The following CELSR1 variants were observed in gnomAD, a reference collection of about 807,000 sequenced individuals.
The protein encoded by CELSR1 is adhesion G protein-coupled receptor C1.
In CELSR1, 110 loss-of-function variants were observed where a neutral mutation model predicts 249.1. That is an observed-to-expected ratio of 0.44 (90% CI 0.38 to 0.52). CELSR1 has a LOEUF of 0.52. Among genes scored for constraint, CELSR1 ranks in the 20% least tolerant of loss-of-function variants. The probability of loss-of-function intolerance (pLI) is 0.00; values close to 1 mark genes in which losing one functional copy is unlikely to be tolerated. For synonymous variants in CELSR1, 2,113 were observed against 1,900.0 expected (o/e 1.11, Z -2.92); for missense variants, 4,109 against 4,296.4 (o/e 0.96, Z 1.22).
rs1397168729 is a variant in CELSR1, at chr22:46,481,627, C to T, written c.3545-17282G>A. 5.8e-6 allele frequency: 4 copies of T among 689,460 alleles called. No individual in the cohort carries two copies. The East Asian group carries it at 7.6e-5, about 13-fold the overall frequency. The allele number at this position is 689,460 out of a possible 1,614,324, so 42.7% of individuals were successfully genotyped here. A position where few individuals can be genotyped will look rare whatever the true frequency, so the allele number is the denominator to read the frequency against. On this transcript the variant is annotated intron_variant, in intron 1 of 34. Transcript: ENST00000674500. ...CGTGGAGGCCTGACTGTCCTCACAA[C>T]AGCTGGTGCTGCACCAGAACATGAG...
At chr22:46,364,386 G>A (rs2078742603) in intron 33 of CELSR1, 126 bp downstream of exon 33, 2 of 1,494,234 alleles carry the variant, frequency 1.3e-6, no homozygotes, top group East Asian at 4.6e-5. Context: ...AGGCCAGGAG[G>A]CCACGTCTGT....
rs1417805440 is a variant in CELSR1 at position 46,413,529 on chromosome 22, G to A, written c.4612-1770C>T. ...AACACACGTCCTCTCTGTGTTACAG[G>A]GAATTGAGGATGATATCAACAGAGA... On this transcript the variant is annotated intron_variant, in intron 5 of 34. Coordinates refer to ENST00000674500, the MANE Select transcript of CELSR1 (RefSeq NM_001378328.1). This position sits in a 1 kb window ranked among gnomAD's most constrained non-coding sequence, Gnocchi z 4.7. Among the ~76,000 whole-genome samples, 1 of 152,174 alleles carries A rather than the reference G, an allele frequency of 6.6e-6. No homozygotes were observed. Among genetic ancestry groups the A allele is most frequent in the Non-Finnish European group, 1.5e-5 (1 of 68,042 alleles).
chr22:46,438,315 A>G (rs945452996), intron 3 of CELSR1, among the ~76,000 whole-genome samples: 14 of 152,112 alleles, frequency 9.2e-5, no homozygotes, highest in South Asian at 2.1e-4. Flanking sequence ...AAAGAGGAGA[A>G]GGGGCTATGA....
At chr22:46,467,844 T>C (rs572140593) in intron 1 of CELSR1, among the ~76,000 whole-genome samples, 2 of 151,768 alleles carry the variant, frequency 1.3e-5, no homozygotes, top group East Asian at 1.9e-4. Context: ...AAGAAAACTC[T>C]GGAAGGATGC....
In CELSR1 at chr22:46,524,313, C is replaced by T. The variant is rs564900498; in HGVS notation, c.3544+9314G>A. On this transcript the variant is annotated intron_variant, in intron 1 of 34. Transcript: ENST00000674500. ...CGCGCCCACTTCTCAATCACCCCTG[C>T]TCTGGGCCAGCCTCCTTGCTACATG... 7.5e-4 allele frequency among the ~76,000 whole-genome samples: 115 copies of T among 152,352 alleles called. No individual in the cohort carries two copies. The Middle Eastern group carries it at 0.014, about 18-fold the overall frequency.
intron 17 of CELSR1, 23 bp from the exon 18 acceptor site, chr22:46,389,522 A>C (rs1452556246): frequency 1.9e-6 from 3 of 1,611,862 alleles, no homozygotes; most frequent in Non-Finnish European, 2.5e-6. Context: ...GGCAGTCGTG[A>C]TGTGTGCAAA....
rs998726431 is a variant in CELSR1 at position 46,444,089 on chromosome 22, G to A, written c.4184-4678C>T. Among the ~76,000 whole-genome samples the A allele has an allele frequency of 4.6e-5, 7 of 152,304 alleles. No individual in the cohort carries two copies. The East Asian group carries it at 1.3e-3, about 29-fold the overall frequency. ...GTAGTAAGAACCCAGGCTGGGCCCG[G>A]GGCTCAGACTCTCCCAGAGGAAAGT... On this transcript the variant is annotated intron_variant, in intron 2 of 34. Coordinates refer to ENST00000674500, the MANE Select transcript of CELSR1 (RefSeq NM_001378328.1).
At chr22:46,369,012 G>A (rs559511004) in intron 27 of CELSR1, 167 bp downstream of exon 27, 71 of 625,532 alleles carry the variant, frequency 1.1e-4, no homozygotes, top group South Asian at 1.1e-3. Context: ...GCCCCTGCAG[G>A]TGCAACGTGG....
intron 9 of CELSR1, among the ~76,000 whole-genome samples, chr22:46,403,971 C>CAAAAAAA (rs756055741): frequency 3.7e-4 from 18 of 48,302 alleles, no homozygotes; most frequent in Non-Finnish European, 4.7e-4. Context: ...AACTCCGTCT[C>CAAAAAAA]AAAAAAAAAA....
At chr22:46,508,088 A>G (rs557508457) in intron 1 of CELSR1, among the ~76,000 whole-genome samples, 1 of 152,192 alleles carries the variant, frequency 6.6e-6, no homozygotes, top group East Asian at 1.9e-4. Flanking sequence ...GGCCTTCCAT[A>G]AACCGGCACA....
At position 46,436,316 on chromosome 22, in the gene CELSR1, C is replaced by A. The variant is rs139230436; in HGVS notation, c.4407-27G>T. ...TGTGGGGCCAAGCAGAGGCACATCACAGGATGAAGACCCCAGGGTCCAAAG... is the reference window on the plus strand; with the variant it reads ...TGTGGGGCCAAGCAGAGGCACATCAAAGGATGAAGACCCCAGGGTCCAAAG... On this transcript the variant is annotated intron_variant, in intron 3 of 34. Transcript: ENST00000674500. The surrounding 1 kb of genome is among the most constrained non-coding windows in gnomAD (Gnocchi z 5.9). 272 of 1,581,076 alleles carry A rather than the reference C, an allele frequency of 1.7e-4. No homozygotes were observed. In the African/African-American group the frequency reaches 3.2e-3, roughly 19 times the overall value.
At chr22:46,371,599 T>C (rs1465696875) in intron 25 of CELSR1, among the ~76,000 whole-genome samples, 1 of 151,554 alleles carries the variant, frequency 6.6e-6, no homozygotes, top group Non-Finnish European at 1.5e-5. Context: ...CATTTCATTG[T>C]CATCCATTAG....
chr22:46,389,506 C>T lies in CELSR1; in HGVS notation c.6346-7G>A. 2 of 1,613,030 alleles carry T rather than the reference C, an allele frequency of 1.2e-6. No homozygotes were observed. Among genetic ancestry groups the T allele is most frequent in the Non-Finnish European group, 1.7e-6 (2 of 1,179,992 alleles). The stretch of plus-strand genomic sequence containing the variant: ...TGCGGCTCAGCTTCTCATTCTGGAA[C>T]AGGGAGGCAGTCGTGATGTGTGCAA... On this transcript the variant is annotated splice_polypyrimidine_tract_variant and splice_region_variant and intron_variant, in intron 17 of 34. Coordinates refer to ENST00000674500, the MANE Select transcript of CELSR1 (RefSeq NM_001378328.1).
chr22:46,402,932 T>G lies in CELSR1; in HGVS notation c.5227-3030A>C, dbSNP rs1340996071. Among the ~76,000 whole-genome samples the G allele has an allele frequency of 6.6e-6, 1 of 151,760 alleles. No individual in the cohort carries two copies. The highest frequency in any genetic ancestry group is 2.4e-5 in the African/African-American group (1 of 41,234). Reference sequence around the variant, plus strand: ...ACCTGAAATATAAGGATACAGAAAATGTTGAAAGTAAAAGGATAGAAAAAA... The same window carrying G: ...ACCTGAAATATAAGGATACAGAAAAGGTTGAAAGTAAAAGGATAGAAAAAA... On this transcript the variant is annotated intron_variant, in intron 9 of 34. Coordinates refer to ENST00000674500, the MANE Select transcript of CELSR1 (RefSeq NM_001378328.1). The surrounding 1 kb of genome is among the most constrained non-coding windows in gnomAD (Gnocchi z 5.0).
intron 2 of CELSR1, among the ~76,000 whole-genome samples, chr22:46,455,171 GC>G (rs1459324768): frequency 6.6e-6 from 1 of 152,218 alleles, no homozygotes; most frequent in Non-Finnish European, 1.5e-5. Context: ...AAAGAGCACA[GC>G]CCTGCAGGGA....
rs998607539 is a variant in CELSR1, at chr22:46,506,636, T to C, written c.3544+26991A>G. Among the ~76,000 whole-genome samples the C allele has an allele frequency of 6.6e-6, 1 of 152,138 alleles. No individual in the cohort carries two copies. Among genetic ancestry groups the C allele is most frequent in the Non-Finnish European group, 1.5e-5 (1 of 68,026 alleles). ...GGTGATGTTTCTAGGACTTTCAACA[T>C]CTACATTCTAGATCAGTTTTCAGGG... On this transcript the variant is annotated intron_variant, in intron 1 of 34. Transcript: ENST00000674500. This position sits in a 1 kb window ranked among gnomAD's most constrained non-coding sequence, Gnocchi z 4.1.
intron 1 of CELSR1, among the ~76,000 whole-genome samples, chr22:46,493,802 G>A (rs1015808245): frequency 6.6e-6 from 1 of 152,112 alleles, no homozygotes; most frequent in Admixed American, 6.6e-5. Context: ...TGTAAGATGT[G>A]ACTTTGATCC....
rs980303207 is a variant in CELSR1, at chr22:46,413,930, G to A, written c.4612-2171C>T. 6.6e-6 allele frequency among the ~76,000 whole-genome samples: 1 copy of A among 152,164 alleles called. No individual in the cohort carries two copies. Among genetic ancestry groups the A allele is most frequent in the Non-Finnish European group, 1.5e-5 (1 of 68,036 alleles). On this transcript the variant is annotated intron_variant, in intron 5 of 34. Coordinates refer to ENST00000674500, the MANE Select transcript of CELSR1 (RefSeq NM_001378328.1). The surrounding 1 kb of genome is among the most constrained non-coding windows in gnomAD (Gnocchi z 4.7). The stretch of plus-strand genomic sequence containing the variant: ...TGGGGCTGGGCGTGAGACTACTGGA[G>A]GAAGGGCGTAAGTAGCATTTACACT...
intron 2 of CELSR1, among the ~76,000 whole-genome samples, chr22:46,455,449 TG>T (rs2079936948): frequency 6.6e-6 from 1 of 152,156 alleles, no homozygotes; most frequent in Admixed American, 6.5e-5. Context: ...AGGCTAGTCT[TG>T]AACTCCTGAC....
Sources: allele counts gnomAD v4.1 joint callset (sites outside exome capture counted in the v4.1 genomes callset), GRCh38; gene constraint gnomAD v4.1.1; non-coding constraint Gnocchi (gnomAD v3.1); transcripts MANE v1.5; gene names NCBI Gene and HGNC (gene_info 2026-07-23, HGNC 2026-07-21).